The following C4orf51 variants were observed in gnomAD, a reference collection of about 807,000 sequenced individuals.
C4orf51 encodes the protein chromosome 4 open reading frame 51.
In C4orf51, 25 loss-of-function variants were observed where a neutral mutation model predicts 25.2. That is an observed-to-expected ratio of 0.99 (90% confidence interval 0.72 to 1.39). C4orf51 has a LOEUF of 1.39. Ranked by LOEUF, C4orf51 falls within the 40% of genes most tolerant of loss-of-function variation. The pLI is 0.00. For missense variants in C4orf51, 252 were observed against 239.6 expected (o/e 1.05, Z -0.34); for synonymous variants, 100 against 84.5 (o/e 1.18, Z -1.01).
rs777720642 is a variant in C4orf51 at position 145,726,926 on chromosome 4, T to A, written c.323T>A (p.Ile108Lys). Residue 108 changes from isoleucine to lysine, a missense_variant, in exon 3 of 6, where the codon ATA becomes AAA. Ile to Lys is a moderately radical substitution (Grantham distance 102). Transcript: ENST00000438731. ...GTGCATGCAGGACTATTCCCTGATA[T>A]AACCAGGCCCTTTAAAAAGTCATTT... The part of the protein sequence containing the change: ...TTDIKGLFPD[I>K]TRPFKKSFDV... 1.1e-5 allele frequency: 18 copies of A among 1,613,338 alleles called. No homozygotes were observed. In the Admixed American group the frequency reaches 2.8e-4, roughly 25 times the overall value.
Position 145,729,176 on chromosome 4 carries a change from A to C in C4orf51, c.374A>C (p.Gln125Pro), listed in dbSNP as rs1223534263. The change falls in exon 4 of 6, where the codon CAA becomes CCA. Residue 125 changes from glutamine (Q) to proline (P), a missense_variant. Gln to Pro is a moderately conservative substitution (Grantham distance 76, BLOSUM62 -1). Transcript: ENST00000438731. ...TATCTCTCCTTTTTATAGGCACATC[A>C]AATTTGGGATTTTGGTGATTGTTTT... Reference protein sequence around the residue: ...SFDVKHGVAHQIWDFGDCFPT... With the variant: ...SFDVKHGVAHPIWDFGDCFPT... 1.2e-6 allele frequency: 2 copies of C among 1,604,438 alleles called. No homozygotes were observed. Among genetic ancestry groups the C allele is most frequent in the South Asian group, 2.2e-5 (2 of 90,372 alleles).
At chr4:145,681,746 C>G (rs1024771684) in intron 1 of C4orf51, among the ~76,000 whole-genome samples, 4 of 152,140 alleles carry the variant, frequency 2.6e-5, no homozygotes, top group African/African-American at 4.8e-5. Context: ...GAGAGAGATA[C>G]CAGAAACTGA....
chr4:145,722,999 T>C (rs1198897868), intron 2 of C4orf51, among the ~76,000 whole-genome samples: 1 of 152,208 alleles, frequency 6.6e-6, no homozygotes, highest in East Asian at 1.9e-4. Flanking sequence ...GATTCTAAAT[T>C]ACGGTGAGTT....
At chr4:145,777,011 C>G in the C4orf51 span, among the ~76,000 whole-genome samples, 1 of 152,208 alleles carries the variant, frequency 6.6e-6, no homozygotes, top group Admixed American at 6.5e-5. Flanking sequence ...GAAAGAACAA[C>G]TCCAGTGTTC....
intron 1 of C4orf51, among the ~76,000 whole-genome samples, chr4:145,695,353 T>C (rs1729979156): frequency 6.6e-6 from 1 of 152,266 alleles, no homozygotes. Context: ...ATGAGCTTTT[T>C]TTGATATGCT....
intron 1 of C4orf51, chr4:145,759,799 C>T (rs1734257597): frequency 6.6e-6 from 1 of 152,044 alleles, no homozygotes; most frequent in South Asian, 2.1e-4. Context: ...ATCCAAACCC[C>T]TTTTAATCTC....
rs72723854 is a variant in C4orf51 at position 145,695,564 on chromosome 4, G to C, written c.234-995G>C. Reference sequence around the variant, plus strand: ...CTCTGTTGGTTTATCCTCTTCTGTAGGTTGTCTGTTTCTTTGCTGTGCAGA... The same window carrying C: ...CTCTGTTGGTTTATCCTCTTCTGTACGTTGTCTGTTTCTTTGCTGTGCAGA... On this transcript the variant is annotated intron_variant, in intron 1 of 5. Transcript: ENST00000438731. 8.5e-3 allele frequency among the ~76,000 whole-genome samples: 1,287 copies of C among 152,138 alleles called. 7 individuals are homozygous for C. The highest frequency in any genetic ancestry group is 0.012 in the Non-Finnish European group (818 of 68,004).
intron 2 of C4orf51, among the ~76,000 whole-genome samples, chr4:145,711,686 A>T (rs1731140754): frequency 6.6e-6 from 1 of 151,952 alleles, no homozygotes; most frequent in Non-Finnish European, 1.5e-5. Context: ...CTTTTGCTTG[A>T]TCAAGTTAGC....
At chr4:145,719,249 T>C (rs1021694585) in intron 2 of C4orf51, among the ~76,000 whole-genome samples, 2 of 151,720 alleles carry the variant, frequency 1.3e-5, no homozygotes, top group Non-Finnish European at 2.9e-5. Context: ...GGTCTTTGTT[T>C]ATAATTTGTC....
At chr4:145,790,068 T>C in the C4orf51 span, among the ~76,000 whole-genome samples, 1 of 152,244 alleles carries the variant, frequency 6.6e-6, no homozygotes, top group Non-Finnish European at 1.5e-5. Flanking sequence ...GAGACCCTTA[T>C]AGTCTGTTCT....
At chr4:145,693,832 G>A (rs1382901714) in intron 1 of C4orf51, among the ~76,000 whole-genome samples, 1 of 32,754 alleles carries the variant, frequency 3.1e-5, no homozygotes, top group Non-Finnish European at 5.9e-5. Context: ...GGCTGGCCGG[G>A]CGGGGGGGCT....
At chr4:145,757,361 T>C (rs1734027159), downstream of C4orf51, among the ~76,000 whole-genome samples, 1 of 152,176 alleles carries the variant, frequency 6.6e-6, no homozygotes, top group African/African-American at 2.4e-5. Flanking sequence ...CACTAAGTAA[T>C]TTCAGGAAGG....
chr4:145,765,312 G>A lies in C4orf51; in HGVS notation n.167-5676G>A, dbSNP rs996147964. 5 of 1,011,504 alleles carry A rather than the reference G, an allele frequency of 4.9e-6. No homozygotes were observed. The African/African-American group carries it at 6.5e-5, about 13-fold the overall frequency. The allele number at this position is 1,011,504 out of a possible 1,614,324, so 62.7% of individuals were successfully genotyped here. ...CAGGCACTGTTCCCCATATCTCTGT[G>A]CTAAAAGGAGTTAAATGTACAAACA... On this transcript the variant is annotated intron_variant and non_coding_transcript_variant, in intron 1 of 1. Coordinates refer to the C4orf51 transcript ENST00000510096. The surrounding 1 kb of genome is among the most constrained non-coding windows in gnomAD (Gnocchi z 4.7).
In C4orf51 at chr4:145,680,183, C is replaced by T. The variant is rs1411126631; in HGVS notation, c.-21C>T. On this transcript the variant is annotated 5_prime_UTR_variant, in exon 1 of 6. Transcript: ENST00000438731. ...TGCAGAGGACTTGACAAGTTGTTTT[C>T]CAGAGAGGCCGTTCGTAGTTATGTC... 45 of 1,560,786 alleles carry T rather than the reference C, an allele frequency of 2.9e-5. No homozygotes were observed. Among genetic ancestry groups the T allele is most frequent in the Non-Finnish European group, 3.8e-5 (43 of 1,131,990 alleles).
chr4:145,725,954 A>T (rs965519731), intron 2 of C4orf51, among the ~76,000 whole-genome samples: 2 of 152,226 alleles, frequency 1.3e-5, no homozygotes, highest in Non-Finnish European at 2.9e-5. Flanking sequence ...AAAATTGTTT[A>T]AAAAATGCAT....
At position 145,765,039 on chromosome 4, in the gene C4orf51, T is replaced by G. The variant is rs1275445764; in HGVS notation, n.167-5949T>G. 6.2e-7 allele frequency: 1 copy of G among 1,614,194 alleles called. No homozygotes were observed. The highest frequency in any genetic ancestry group is 8.5e-7 in the Non-Finnish European group (1 of 1,180,024). ...GCATTTCTTATGCTCCAGCAGCTGTTCGGGGGTCTTCATGAACTTGTGGCA... is the reference window on the plus strand; with the variant it reads ...GCATTTCTTATGCTCCAGCAGCTGTGCGGGGGTCTTCATGAACTTGTGGCA... On this transcript the variant is annotated intron_variant and non_coding_transcript_variant, in intron 1 of 1. Transcript: ENST00000510096. This position sits in a 1 kb window ranked among gnomAD's most constrained non-coding sequence, Gnocchi z 4.7.
intron 2 of C4orf51, among the ~76,000 whole-genome samples, chr4:145,709,343 T>C (rs1731007745): frequency 1.3e-5 from 2 of 152,226 alleles, no homozygotes; most frequent in South Asian, 4.1e-4. Context: ...AAAAAGCATA[T>C]GACAAGTCAT....
intron 1 of C4orf51, among the ~76,000 whole-genome samples, chr4:145,684,902 A>C (rs1457066950): frequency 6.6e-6 from 1 of 152,212 alleles, no homozygotes; most frequent in African/African-American, 2.4e-5. Context: ...AAATAGGAGG[A>C]TATAGCAATC....
At chr4:145,688,908 A>T (rs1578920480) in intron 1 of C4orf51, among the ~76,000 whole-genome samples, 1 of 152,184 alleles carries the variant, frequency 6.6e-6, no homozygotes, top group East Asian at 1.9e-4. Context: ...ACAAACAACA[A>T]CAACAAAAAG....
Sources: allele counts gnomAD v4.1 joint callset (sites outside exome capture counted in the v4.1 genomes callset), GRCh38; gene constraint gnomAD v4.1.1; non-coding constraint Gnocchi (gnomAD v3.1); transcripts MANE v1.5; gene names NCBI Gene and HGNC (gene_info 2026-07-23, HGNC 2026-07-21).